Variants in SCFD2 observed in about 807,000 individuals in gnomAD.
SCFD2 encodes the protein sec1 family domain containing 2.
SCFD2 carries 54 observed loss-of-function variants against 58.9 expected under a neutral mutation model. That is an observed-to-expected ratio of 0.92 (90% CI 0.74 to 1.15). The LOEUF (loss-of-function observed/expected upper bound fraction) is 1.15, where lower values mean the gene tolerates loss of function less well. SCFD2 is among the 50% of genes most tolerant of loss of function. SCFD2 has a pLI of 0.00. For missense variants in SCFD2, 805 were observed against 836.6 expected (o/e 0.96, Z 0.47); for synonymous variants, 321 against 335.9 (o/e 0.96, Z 0.49).
At chr4:53,044,465 T>G (rs559265497) in intron 5 of SCFD2, among the ~76,000 whole-genome samples, 1 of 150,632 alleles carries the variant, frequency 6.6e-6, no homozygotes, top group African/African-American at 2.5e-5. Flanking sequence ...AGACACTTTT[T>G]GGGGTTCCAC....
At chr4:53,144,372 CGT>C (rs1427343592) in intron 5 of SCFD2, among the ~76,000 whole-genome samples, 3 of 149,250 alleles carry the variant, frequency 2.0e-5, no homozygotes, top group African/African-American at 4.9e-5. Flanking sequence ...TATATACACA[CGT>C]GTGTGTGCAT....
At chr4:53,111,200 AG>A (rs956582581) in intron 5 of SCFD2, among the ~76,000 whole-genome samples, 3 of 150,410 alleles carry the variant, frequency 2.0e-5, no homozygotes, top group African/African-American at 7.3e-5. Context: ...GTGGGGGACT[AG>A]GGGAGGGATT....
chr4:52,970,447 C>A (rs975658475), intron 5 of SCFD2, among the ~76,000 whole-genome samples: 3 of 152,328 alleles, frequency 2.0e-5, no homozygotes, highest in East Asian at 1.9e-4. Context: ...GATCAAACTG[C>A]AAGGTGGCAG....
At chr4:52,989,657 T>A (rs530875481) in intron 5 of SCFD2, among the ~76,000 whole-genome samples, 156 of 152,370 alleles carry the variant, frequency 1.0e-3, no homozygotes, top group Non-Finnish European at 1.6e-3. Flanking sequence ...TAATAATGTA[T>A]GTTTCCCACT....
intron 4 of SCFD2, among the ~76,000 whole-genome samples, chr4:53,184,443 G>C (rs530162832): frequency 6.6e-6 from 1 of 152,204 alleles, no homozygotes; most frequent in Non-Finnish European, 1.5e-5. Context: ...ACCACAAAAT[G>C]GATATAGTAT....
intron 2 of SCFD2, among the ~76,000 whole-genome samples, chr4:53,344,564 AC>A (rs1156871365): frequency 6.6e-6 from 1 of 152,198 alleles, no homozygotes; most frequent in Non-Finnish European, 1.5e-5. Context: ...CCATCAAGCT[AC>A]CAATGACTTT....
chr4:53,365,574 G>T lies in SCFD2; in HGVS notation c.368C>A (p.Ala123Glu). 6.2e-7 allele frequency: 1 copy of T among 1,614,044 alleles called. No individual in the cohort carries two copies. The highest frequency in any genetic ancestry group is 8.5e-7 in the Non-Finnish European group (1 of 1,179,998). The change falls in exon 1 of 9, where the codon GCG (alanine) becomes GAG (glutamate). Residue 123 changes from alanine to glutamate, a missense_variant. By Grantham distance (107) the Ala-to-Glu change is moderately radical (BLOSUM62 -1). This residue lies in a region of SCFD2 where 17 missense variants were observed against 40.1 expected (regional missense o/e 0.42). Transcript: ENST00000401642. The surrounding 1 kb of genome is among the most constrained non-coding windows in gnomAD (Gnocchi z 4.3). ...LTANHVPAAA[A>E]AEMEGQQPVF... ...CGGCTGCTGCCCCTCCATCTCGGCC[G>T]CTGCCGCCGCTGGGACATGATTAGC... is the stretch of plus-strand genomic sequence containing the variant.
chr4:53,346,112 A>T (rs888362103), intron 2 of SCFD2, among the ~76,000 whole-genome samples: 1 of 106,386 alleles, frequency 9.4e-6, no homozygotes, highest in African/African-American at 3.1e-5. Flanking sequence ...AAAAAAGTTT[A>T]AAAAATAAAT....
At chr4:53,216,653 C>T (rs1728848759) in intron 4 of SCFD2, among the ~76,000 whole-genome samples, 1 of 152,134 alleles carries the variant, frequency 6.6e-6, no homozygotes, top group African/African-American at 2.4e-5. Flanking sequence ...TACTTCAGTT[C>T]TGCTCTGATC....
intron 1 of SCFD2, among the ~76,000 whole-genome samples, chr4:53,353,227 T>C (rs767802457): frequency 6.6e-6 from 1 of 152,058 alleles, no homozygotes; most frequent in African/African-American, 2.4e-5. Flanking sequence ...TCGCGGTGAG[T>C]GTTACAGCTC....
At chr4:53,184,592 A>G (rs1727685318) in intron 4 of SCFD2, among the ~76,000 whole-genome samples, 2 of 152,126 alleles carry the variant, frequency 1.3e-5, no homozygotes, top group African/African-American at 2.4e-5. Context: ...GGGTCCATTT[A>G]TTAGAAAAGC....
chr4:53,258,993 C>T (rs998794470), intron 4 of SCFD2, among the ~76,000 whole-genome samples: 8 of 152,002 alleles, frequency 5.3e-5, no homozygotes, highest in African/African-American at 1.9e-4. Context: ...GAGCATTTTT[C>T]CATATGCTTG....
intron 5 of SCFD2, among the ~76,000 whole-genome samples, chr4:53,125,126 G>A (rs1207038367): frequency 1.3e-5 from 2 of 152,170 alleles, no homozygotes; most frequent in East Asian, 3.9e-4. Context: ...GAGCTAGGAT[G>A]ATTAGGGAAG....
chr4:53,250,551 A>G (rs902281786), intron 4 of SCFD2, among the ~76,000 whole-genome samples: 10 of 152,366 alleles, frequency 6.6e-5, no homozygotes, highest in African/African-American at 2.4e-4. Context: ...TGTCTCTCAG[A>G]CCACAGTGAA....
chr4:53,307,594 A>G (rs1451463665), intron 3 of SCFD2, among the ~76,000 whole-genome samples: 1 of 152,242 alleles, frequency 6.6e-6, no homozygotes, highest in Non-Finnish European at 1.5e-5. Flanking sequence ...TGGGTAATTG[A>G]AAGGATAAAA....
At chr4:53,340,924 A>T (rs934785197) in intron 2 of SCFD2, among the ~76,000 whole-genome samples, 2 of 152,232 alleles carry the variant, frequency 1.3e-5, no homozygotes, top group African/African-American at 4.8e-5. Context: ...GAAAACTAAC[A>T]AACAGAAAGG....
At chr4:53,230,628 G>C (rs1177358566) in intron 4 of SCFD2, among the ~76,000 whole-genome samples, 1 of 116,138 alleles carries the variant, frequency 8.6e-6, no homozygotes, top group Admixed American at 1.1e-4. Flanking sequence ...GTTGTGGGGT[G>C]GGGGGAGGGG....
At chr4:52,899,498 G>A (rs1265792748) in intron 7 of SCFD2, among the ~76,000 whole-genome samples, 1 of 152,214 alleles carries the variant, frequency 6.6e-6, no homozygotes, top group South Asian at 2.1e-4. Flanking sequence ...TCTGGCTTGT[G>A]GAGTTTCTGC....
At position 53,116,140 on chromosome 4, in the gene SCFD2, T is replaced by G. The variant is rs543968308; in HGVS notation, c.1561+29193A>C. Among the ~76,000 whole-genome samples, 157 of 152,304 alleles carry G rather than the reference T, an allele frequency of 1.0e-3. 1 individual carries two copies. The highest frequency in any genetic ancestry group is 3.6e-3 in the African/African-American group (149 of 41,566). On this transcript the variant is annotated intron_variant, in intron 5 of 8. Coordinates refer to ENST00000401642, the MANE Select transcript of SCFD2 (RefSeq NM_152540.4). Reference sequence around the variant, plus strand: ...AGGACACTTTTTTGAGCAACCAGAATAGAAATTCCTTTTGTTTTCATTTGT... The same window carrying G: ...AGGACACTTTTTTGAGCAACCAGAAGAGAAATTCCTTTTGTTTTCATTTGT...
Sources: allele counts gnomAD v4.1 joint callset (sites outside exome capture counted in the v4.1 genomes callset), GRCh38; gene constraint gnomAD v4.1.1; regional missense constraint gnomAD v4.1.1; non-coding constraint Gnocchi (gnomAD v3.1); transcripts MANE v1.5; gene names NCBI Gene and HGNC (gene_info 2026-07-23, HGNC 2026-07-21).